The following ZNF778 variants were observed in gnomAD, a reference collection of about 807,000 sequenced individuals.
ZNF778 encodes the protein zinc finger protein 778.
In ZNF778, 37 loss-of-function variants were observed where a neutral mutation model predicts 23.9. That is an observed-to-expected ratio of 1.54 (90% CI 1.19 to 2.03). The LOEUF is 2.03. ZNF778 is among the 30% of genes most tolerant of loss of function. The pLI is 0.00. For synonymous variants in ZNF778, 483 were observed against 343.9 expected (o/e 1.40, Z -4.48); for missense variants, 1,297 against 934.4 (o/e 1.39, Z -5.06).
intron 4 of ZNF778, among the ~76,000 whole-genome samples, chr16:89,224,021 A>C (rs1001344396): frequency 6.7e-6 from 1 of 149,494 alleles, no homozygotes; most frequent in Non-Finnish European, 1.5e-5. Flanking sequence ...TAATCCCAGC[A>C]CTCTGGGAGG....
Position 89,227,637 on chromosome 16 carries a change from C to G in ZNF778, c.1349C>G (p.Thr450Arg), listed in dbSNP as rs920261023. ...ACACACACGGGCGAGAAGCCATACA[C>G]GTGTAAGGACTGCGGGAAAGCCTTC... ...VRTHTGEKPY[T>R]CKDCGKAFCT... Residue 450 changes from threonine (T) to arginine (R), a missense_variant, in exon 7 of 7, where the codon ACG becomes AGG. Physicochemically the swap from Thr to Arg is moderately conservative, Grantham distance 71 (BLOSUM62 -1). Transcript: ENST00000433976. 3 of 1,613,858 alleles carry G rather than the reference C, an allele frequency of 1.9e-6. No individual in the cohort carries two copies. In the East Asian group the frequency reaches 6.7e-5, roughly 36 times the overall value.
chr16:89,228,333 T>G lies in ZNF778; in HGVS notation c.2045T>G (p.Phe682Cys), dbSNP rs2031690746. The G allele has an allele frequency of 6.2e-7, 1 of 1,613,766 alleles. No homozygotes were observed. Among genetic ancestry groups the G allele is most frequent in the Non-Finnish European group, 8.5e-7 (1 of 1,179,752 alleles). ...ATATGTAACGAGTGTGGGAAAGCCT[T>G]CCGTGCCTCCTCTCACCTGCATAAA... is the stretch of plus-strand genomic sequence containing the variant. ...PYICNECGKA[F>C]RASSHLHKHG... Residue 682 changes from phenylalanine (F) to cysteine (C), a missense_variant, in exon 7 of 7, where the codon TTC (phenylalanine) becomes TGC (cysteine). Coordinates refer to ENST00000433976, the MANE Select transcript of ZNF778 (RefSeq NM_001201407.2).
rs1174879058 is a variant in ZNF778, at chr16:89,232,799, T to C, written c.*4237T>C. The C allele has an allele frequency of 3.9e-6, 5 of 1,288,868 alleles. No individual in the cohort carries two copies. Among genetic ancestry groups the C allele is most frequent in the East Asian group, 1.1e-4 (2 of 18,048 alleles). 79.8% of individuals were successfully genotyped at this position (1,288,868 alleles called of 1,614,324 possible). Reference sequence around the variant, plus strand: ...CAACTCACTGCATATGCACATCAACTCACTGCATATGCAACTCAACTCACA... The same window carrying C: ...CAACTCACTGCATATGCACATCAACCCACTGCATATGCAACTCAACTCACA... On this transcript the variant is annotated 3_prime_UTR_variant, in exon 7 of 7. Coordinates refer to ENST00000433976, the MANE Select transcript of ZNF778 (RefSeq NM_001201407.2).
intron 6 of ZNF778, among the ~76,000 whole-genome samples, 186 bp downstream of exon 6, chr16:89,225,817 C>T (rs985422700): frequency 1.3e-5 from 2 of 152,148 alleles, no homozygotes; most frequent in Non-Finnish European, 1.5e-5. Flanking sequence ...AAACTTGGTG[C>T]TTCAGACACA....
In ZNF778 at chr16:89,233,835, T is replaced by G; in HGVS notation, c.*5273T>G. 7.8e-7 allele frequency: 1 copy of G among 1,290,286 alleles called. No homozygotes were observed. The highest frequency in any genetic ancestry group is 1.0e-6 in the Non-Finnish European group (1 of 989,760). 79.9% of individuals were successfully genotyped at this position (1,290,286 alleles called of 1,614,324 possible). A position where few individuals can be genotyped will look rare whatever the true frequency, so the allele number is the denominator to read the frequency against. ...ATGCAACTCAACTGTTGCAAGTACT[T>G]ATTTCCGGCCACTTCCTTTTTCTAA... On this transcript the variant is annotated 3_prime_UTR_variant, in exon 7 of 7. Coordinates refer to ENST00000433976, the MANE Select transcript of ZNF778 (RefSeq NM_001201407.2).
intron 2 of ZNF778, among the ~76,000 whole-genome samples, chr16:89,221,571 G>A (rs1324746036): frequency 7.2e-6 from 1 of 139,166 alleles, no homozygotes; most frequent in Non-Finnish European, 1.5e-5. Flanking sequence ...GTTTTCCTGA[G>A]GCACTGTATG....
Position 89,234,911 on chromosome 16 carries a change from T to G in ZNF778, c.*6349T>G, listed in dbSNP as rs1279860736. 1 of 151,778 alleles carries G rather than the reference T, an allele frequency of 6.6e-6. No homozygotes were observed. The highest frequency in any genetic ancestry group is 1.9e-4 in the East Asian group (1 of 5,188). 9.4% of individuals were successfully genotyped at this position (151,778 alleles called of 1,614,324 possible). On this transcript the variant is annotated 3_prime_UTR_variant, in exon 7 of 7. Transcript: ENST00000433976. ...AGCCTGGCAACAGAGTGAGACTCTG[T>G]CTCAAAAAAAAAGGAAAAATATTTC...
At chr16:89,222,251 T>C in intron 3 of ZNF778, 68 bp downstream of exon 3, 1 of 1,275,992 alleles carries the variant, frequency 7.8e-7, no homozygotes. Context: ...AGTTTCTGTC[T>C]GAGCAGACTT....
chr16:89,223,042 G>A lies in ZNF778; in HGVS notation c.118-115G>A. 5 of 1,286,406 alleles carry A rather than the reference G, an allele frequency of 3.9e-6. No homozygotes were observed. In the South Asian group the frequency reaches 7.7e-5, roughly 20 times the overall value. The allele number at this position is 1,286,406 out of a possible 1,614,324, so 79.7% of individuals were successfully genotyped here. A position where few individuals can be genotyped will look rare whatever the true frequency, so the allele number is the denominator to read the frequency against. On this transcript the variant is annotated intron_variant, in intron 3 of 6. Transcript: ENST00000433976. ...GGGTTCCTGGGACCACTGGGCCATGGGGTAGACAGTAGGAGGCCTCACAGT... is the reference window on the plus strand; with the variant it reads ...GGGTTCCTGGGACCACTGGGCCATGAGGTAGACAGTAGGAGGCCTCACAGT...
chr16:89,222,855 G>A (rs2031090583), intron 3 of ZNF778, among the ~76,000 whole-genome samples: 1 of 152,358 alleles, frequency 6.6e-6, no homozygotes, highest in Admixed American at 6.5e-5. Flanking sequence ...AGCGTGGTGA[G>A]AGAAGCTCAC....
At position 89,227,243 on chromosome 16, in the gene ZNF778, C is replaced by G; in HGVS notation, c.955C>G (p.Pro319Ala). ...CELEECGKAS[P>A]VSSSLTQHVR... ...ATTGGAAGAATGTGGAAAAGCCTCC[C>G]CTGTTTCTTCCAGCCTAACTCAACA... Residue 319 changes from proline (P) to alanine (A), a missense_variant, in exon 7 of 7, where the codon CCT becomes GCT. By Grantham distance (27) the Pro-to-Ala change is conservative (BLOSUM62 -1). Coordinates refer to ENST00000433976, the MANE Select transcript of ZNF778 (RefSeq NM_001201407.2). 1 of 1,613,452 alleles carries G rather than the reference C, an allele frequency of 6.2e-7. No individual in the cohort carries two copies. The highest frequency in any genetic ancestry group is 8.5e-7 in the Non-Finnish European group (1 of 1,179,460).
chr16:89,228,710 G>A lies in ZNF778; in HGVS notation c.*148G>A, dbSNP rs912888913. The A allele has an allele frequency of 2.1e-6, 3 of 1,445,194 alleles. No homozygotes were observed. In the South Asian group the frequency reaches 4.6e-5, roughly 22 times the overall value. The allele number at this position is 1,445,194 out of a possible 1,614,324, so 89.5% of individuals were successfully genotyped here. A position where few individuals can be genotyped will look rare whatever the true frequency, so the allele number is the denominator to read the frequency against. On this transcript the variant is annotated 3_prime_UTR_variant, in exon 7 of 7. Coordinates refer to ENST00000433976, the MANE Select transcript of ZNF778 (RefSeq NM_001201407.2). ...CCGGCAGGCAGGAACTCACCCTGGA[G>A]CCCTATGCAGCAGACACAGAGAAAG...
At chr16:89,220,253 T>C (rs2030791047) in intron 1 of ZNF778, among the ~76,000 whole-genome samples, 1 of 152,240 alleles carries the variant, frequency 6.6e-6, no homozygotes, top group Non-Finnish European at 1.5e-5. Context: ...CATGTTTTTC[T>C]GACATGTGAA....
Position 89,229,193 on chromosome 16 carries a change from G to C in ZNF778, c.*631G>C. On this transcript the variant is annotated 3_prime_UTR_variant, in exon 7 of 7. Transcript: ENST00000433976. ...CAGTAGGCCTTGAGGACTCAGATGT[G>C]ATCCTGTGTGAGCAGTGTAGGCTCT... The C allele has an allele frequency of 2.0e-6, 2 of 985,856 alleles. No homozygotes were observed. The highest frequency in any genetic ancestry group is 9.4e-5 in the South Asian group (2 of 21,302). 61.1% of individuals were successfully genotyped at this position (985,856 alleles called of 1,614,324 possible).
rs1432647265 is a variant in ZNF778, at chr16:89,227,207, A to C, written c.919A>C (p.Lys307Gln). Residue 307 changes from lysine (K) to glutamine (Q), a missense_variant, in exon 7 of 7, where the codon AAG (lysine) becomes CAG (glutamine). Lys to Gln is a moderately conservative substitution (Grantham distance 53). Transcript: ENST00000433976. Reference protein sequence around the residue: ...TGRVQVHPGEKPCELEECGKA... With the variant: ...TGRVQVHPGEQPCELEECGKA... ...TCGCGTGCAAGTCCACCCTGGGGAA[A>C]AGCCCTGTGAATTGGAAGAATGTGG... The C allele has an allele frequency of 1.2e-6, 2 of 1,613,102 alleles. No homozygotes were observed. The highest frequency in any genetic ancestry group is 4.5e-5 in the East Asian group (2 of 44,884).
chr16:89,227,701 C>T lies in ZNF778; in HGVS notation c.1413C>T (p.His471=). 6.2e-7 allele frequency: 1 copy of T among 1,614,208 alleles called. No individual in the cohort carries two copies. Among genetic ancestry groups the T allele is most frequent in the Non-Finnish European group, 8.5e-7 (1 of 1,180,038 alleles). Residue 471 remains histidine (H), a synonymous_variant, in exon 7 of 7, where the codon CAC becomes CAT. Transcript: ENST00000433976. ...SSGLTEHVRT[H]TGEKPYECKD... ...GCCTTACTGAGCATGTAAGGACTCA[C>T]ACTGGAGAGAAACCATATGAATGTA...
rs1158026588 is a variant in ZNF778, at chr16:89,231,925, C to A, written c.*3363C>A. 1 of 152,370 alleles carries A rather than the reference C, an allele frequency of 6.6e-6. No homozygotes were observed. The highest frequency in any genetic ancestry group is 1.5e-5 in the Non-Finnish European group (1 of 68,198). The allele number at this position is 152,370 out of a possible 1,614,324, so 9.4% of individuals were successfully genotyped here. Reference sequence around the variant, plus strand: ...ACCCTCCTGCAGCAGAACTACAGACCTGCCATCCTGATAATTGTCAAACTC... The same window carrying A: ...ACCCTCCTGCAGCAGAACTACAGACATGCCATCCTGATAATTGTCAAACTC... On this transcript the variant is annotated 3_prime_UTR_variant, in exon 7 of 7. Transcript: ENST00000433976.
At chr16:89,222,399 T>C (rs1348583452) in intron 3 of ZNF778, among the ~76,000 whole-genome samples, 1 of 152,188 alleles carries the variant, frequency 6.6e-6, no homozygotes, top group African/African-American at 2.4e-5. Flanking sequence ...AGTCTCGCTT[T>C]GTCGCCCAGG....
chr16:89,235,994 T>A lies in ZNF778; in HGVS notation c.*7432T>A, dbSNP rs1597374846. The A allele has an allele frequency of 7.4e-6, 1 of 134,782 alleles. No individual in the cohort carries two copies. The highest frequency in any genetic ancestry group is 2.8e-5 in the African/African-American group (1 of 35,226). The allele number at this position is 134,782 out of a possible 1,614,324, so 8.3% of individuals were successfully genotyped here. On this transcript the variant is annotated 3_prime_UTR_variant, in exon 7 of 7. Coordinates refer to ENST00000433976, the MANE Select transcript of ZNF778 (RefSeq NM_001201407.2). ...CAACACAGTGAAACCTCGTCTCTAG[T>A]AAAAAAAAAAAAAAAAAAGAAAAAT...
Sources: gnomAD v4.1 joint callset for allele counts (sites outside exome capture counted in the v4.1 genomes callset) on GRCh38, gnomAD v4.1.1 for gene constraint, MANE v1.5 for transcripts, NCBI Gene and HGNC (gene_info 2026-07-23, HGNC 2026-07-21) for gene names.